The following ADGRL2 variants were observed in gnomAD, a reference collection of about 807,000 sequenced individuals.
ADGRL2 encodes calcium-independent alpha-latrotoxin receptor 2.
ADGRL2 carries 44 observed loss-of-function variants against 157.4 expected under a neutral mutation model. The observed-to-expected ratio is 0.28, with a 90% CI of 0.22 to 0.36. The LOEUF is 0.36. ADGRL2 is among the 10% of genes least tolerant of loss of function. ADGRL2 has a pLI of 1.00. For synonymous variants in ADGRL2, 585 were observed against 624.7 expected, an observed-to-expected ratio of 0.94 and a Z score of 0.95; for missense variants, 1,510 against 1,768.9, an observed-to-expected ratio of 0.85 and a Z score of 2.63.
At chr1:81,369,804 T>G (rs759612260) in intron 1 of ADGRL2, among the ~76,000 whole-genome samples, 4 of 152,332 alleles carry the variant, frequency 2.6e-5, no homozygotes, top group South Asian at 4.1e-4. Context: ...ATGAAGCACT[T>G]GTAATCGTAC....
chr1:81,975,294 T>C (rs1457084450), intron 17 of ADGRL2, among the ~76,000 whole-genome samples: 2 of 152,132 alleles, frequency 1.3e-5, no homozygotes, highest in Non-Finnish European at 2.9e-5. Flanking sequence ...AGACAAATGT[T>C]TGTGTGCGCA....
chr1:81,825,984 G>A (rs374879217), intron 1 of ADGRL2, among the ~76,000 whole-genome samples: 17 of 152,030 alleles, frequency 1.1e-4, no homozygotes, highest in African/African-American at 4.1e-4. Context: ...AGAGGATTAA[G>A]GTATTTCAGG....
chr1:81,985,091 A>G (rs1274133906), intron 20 of ADGRL2, among the ~76,000 whole-genome samples, 168 bp from the exon 21 acceptor site: 1 of 152,076 alleles, frequency 6.6e-6, no homozygotes, highest in Non-Finnish European at 1.5e-5. Context: ...TTGCTTAGTA[A>G]ATAAACAATA....
chr1:81,452,656 A>G (rs924557646), intron 2 of ADGRL2, among the ~76,000 whole-genome samples: 2 of 152,202 alleles, frequency 1.3e-5, no homozygotes, highest in African/African-American at 2.4e-5. Context: ...TGCCTGTGAG[A>G]ATAGCATTTC....
chr1:81,482,823 A>G (rs1197267009), intron 2 of ADGRL2, among the ~76,000 whole-genome samples: 1 of 151,242 alleles, frequency 6.6e-6, no homozygotes, highest in East Asian at 1.9e-4. Flanking sequence ...TATGTTTTAT[A>G]TATTGAATTA....
intron 2 of ADGRL2, among the ~76,000 whole-genome samples, chr1:81,878,630 A>G (rs557192738): frequency 6.6e-6 from 1 of 152,306 alleles, no homozygotes; most frequent in African/African-American, 2.4e-5. Flanking sequence ...TCTTCAGAAA[A>G]GAAATTAAAA....
At chr1:81,596,959 TC>T (rs1419338541) in intron 3 of ADGRL2, among the ~76,000 whole-genome samples, 1 of 152,206 alleles carries the variant, frequency 6.6e-6, no homozygotes, top group East Asian at 1.9e-4. Flanking sequence ...TTTTGCCTTA[TC>T]TTTTTGAATA....
chr1:81,497,461 G>A (rs191357982), intron 2 of ADGRL2, among the ~76,000 whole-genome samples: 12 of 152,122 alleles, frequency 7.9e-5, no homozygotes, highest in African/African-American at 2.9e-4. Flanking sequence ...TCTTTACACA[G>A]GGTGGGATAT....
intron 3 of ADGRL2, among the ~76,000 whole-genome samples, chr1:81,634,578 AG>A (rs201886076): frequency 0.018 from 2,673 of 149,962 alleles, 73 homozygotes; most frequent in African/African-American, 0.063. Context: ...TCTGTCACCC[AG>A]GCTGGAATGC....
intron 2 of ADGRL2, among the ~76,000 whole-genome samples, chr1:81,565,244 G>A (rs930498000): frequency 2.6e-5 from 4 of 152,174 alleles, no homozygotes; most frequent in Non-Finnish European, 5.9e-5. Context: ...GATGACGTAT[G>A]TGACAGGATT....
intron 3 of ADGRL2, among the ~76,000 whole-genome samples, chr1:81,935,906 A>G (rs1377340291): frequency 6.6e-6 from 1 of 151,950 alleles, no homozygotes; most frequent in Non-Finnish European, 1.5e-5. Context: ...CAAAAACAAG[A>G]AAATAATTCC....
upstream of ADGRL2, among the ~76,000 whole-genome samples, chr1:81,698,745 T>A (rs1358197599): frequency 6.6e-6 from 1 of 152,216 alleles, no homozygotes. Flanking sequence ...AGCCCTATAT[T>A]TTTTATACTT....
intron 2 of ADGRL2, among the ~76,000 whole-genome samples, chr1:81,484,570 C>T (rs1203237715): frequency 6.6e-6 from 1 of 152,104 alleles, no homozygotes; most frequent in Non-Finnish European, 1.5e-5. Context: ...GTTTCCTTCC[C>T]TAAACTATGA....
intron 2 of ADGRL2, among the ~76,000 whole-genome samples, chr1:81,884,061 C>G (rs2094061647): frequency 6.6e-6 from 1 of 150,420 alleles, no homozygotes; most frequent in African/African-American, 2.5e-5. Context: ...GTTTGGTTCC[C>G]TTCAGCCTTG....
Position 81,952,109 on chromosome 1 carries a change from T to C in ADGRL2, c.1761T>C (p.Ser587=). The change falls in exon 9 of 24, where the codon AGT becomes AGC. Residue 587 remains serine (S), a synonymous_variant. Coordinates refer to ENST00000686636, the MANE Select transcript of ADGRL2 (RefSeq NM_001366006.2). ...CACAGCTGCAGGAACTGAAACCTAG[T>C]GAAAAAGATTCAGCTGGACGGAGTT... is the stretch of plus-strand genomic sequence containing the variant. ...LDAQLQELKP[S]EKDSAGRSYN... 6.2e-7 allele frequency: 1 copy of C among 1,612,624 alleles called. No homozygotes were observed. Among genetic ancestry groups the C allele is most frequent in the Non-Finnish European group, 8.5e-7 (1 of 1,179,200 alleles).
intron 1 of ADGRL2, among the ~76,000 whole-genome samples, chr1:81,345,133 G>A (rs1192825025): frequency 6.6e-6 from 1 of 152,320 alleles, no homozygotes; most frequent in South Asian, 2.1e-4. Context: ...TGATCCAAGA[G>A]AGGAAGAACC....
At chr1:81,485,120 T>A (rs11163308) in intron 2 of ADGRL2, among the ~76,000 whole-genome samples, 1 of 150,808 alleles carries the variant, frequency 6.6e-6, no homozygotes, top group Admixed American at 6.6e-5. Context: ...ACTTGGAAAT[T>A]AGGTCTAAAG....
chr1:81,758,241 G>C (rs965797964), intron 1 of ADGRL2, among the ~76,000 whole-genome samples: 12 of 152,082 alleles, frequency 7.9e-5, no homozygotes, highest in African/African-American at 2.9e-4. Context: ...GTTTGAGGAT[G>C]GTGCCAAAAT....
At chr1:81,775,067 G>A (rs1013102464) in intron 2 of ADGRL2, among the ~76,000 whole-genome samples, 4 of 152,070 alleles carry the variant, frequency 2.6e-5, no homozygotes, top group African/African-American at 9.6e-5. Flanking sequence ...TATTCATATC[G>A]ATATAAATTG....
Sources: gnomAD v4.1 joint callset for allele counts (sites outside exome capture counted in the v4.1 genomes callset) on GRCh38, gnomAD v4.1.1 for gene constraint, MANE v1.5 for transcripts, NCBI Gene and HGNC (gene_info 2026-07-23, HGNC 2026-07-21) for gene names.